Variants in DTNBP1 observed in about 807,000 individuals in gnomAD.
DTNBP1 encodes the protein dysbindin.
DTNBP1 carries 35 observed loss-of-function variants against 42.8 expected under a neutral mutation model. The observed-to-expected ratio is 0.82, with a 90% CI of 0.63 to 1.09. DTNBP1 has a LOEUF of 1.09. DTNBP1 is among the 50% of genes least tolerant of loss of function. DTNBP1 has a pLI of 0.00. For synonymous variants in DTNBP1, 171 were observed against 162.2 expected (o/e 1.05, Z -0.41); for missense variants, 457 against 424.2 (o/e 1.08, Z -0.68).
chr6:15,563,844 G>A (rs781451841), intron 7 of DTNBP1, among the ~76,000 whole-genome samples: 13 of 152,058 alleles, frequency 8.5e-5, no homozygotes, highest in African/African-American at 2.7e-4. Context: ...CGAGGTTCCC[G>A]CGGTGGAACA....
intron 4 of DTNBP1, among the ~76,000 whole-genome samples, chr6:15,634,682 G>A (rs1452326633): frequency 1.3e-5 from 2 of 152,072 alleles, no homozygotes; most frequent in African/African-American, 4.8e-5. Flanking sequence ...ACTTTTAAAA[G>A]TGAGGTTAAT....
At chr6:15,539,295 T>A (rs1356976269) in intron 7 of DTNBP1, among the ~76,000 whole-genome samples, 1 of 152,232 alleles carries the variant, frequency 6.6e-6, no homozygotes. Flanking sequence ...CCTCTCTCCA[T>A]TTCCTGCTAC....
At chr6:15,538,262 T>C (rs756682175) in intron 7 of DTNBP1, among the ~76,000 whole-genome samples, 11 of 152,162 alleles carry the variant, frequency 7.2e-5, no homozygotes, top group Non-Finnish European at 1.3e-4. Flanking sequence ...AGGGCCATTA[T>C]CTGTTGCTGG....
chr6:15,657,901 T>A (rs768486735), intron 1 of DTNBP1, among the ~76,000 whole-genome samples: 6 of 152,220 alleles, frequency 3.9e-5, no homozygotes, highest in Non-Finnish European at 7.3e-5. Context: ...TATCGCAATT[T>A]CTCCTCATTA....
chr6:15,613,588 G>A (rs1368924659), intron 6 of DTNBP1, among the ~76,000 whole-genome samples: 1 of 151,776 alleles, frequency 6.6e-6, no homozygotes, highest in Non-Finnish European at 1.5e-5. Context: ...GCACAGTATC[G>A]ATCTCCTGAC....
At chr6:15,537,568 G>A (rs967651638) in intron 7 of DTNBP1, among the ~76,000 whole-genome samples, 22 of 152,080 alleles carry the variant, frequency 1.4e-4, no homozygotes, top group Admixed American at 1.2e-3. Context: ...ATATAGTTTG[G>A]CTCTGTGTCC....
intron 6 of DTNBP1, among the ~76,000 whole-genome samples, chr6:15,612,343 T>C (rs1318475387): frequency 6.6e-6 from 1 of 152,176 alleles, no homozygotes; most frequent in Non-Finnish European, 1.5e-5. Context: ...AATTTTTATA[T>C]GCACTAGGAA....
intron 7 of DTNBP1, among the ~76,000 whole-genome samples, chr6:15,562,431 A>G (rs1189154971): frequency 6.6e-6 from 1 of 152,264 alleles, no homozygotes; most frequent in Non-Finnish European, 1.5e-5. Context: ...TCACATGCAC[A>G]GAATGGAAAC....
intron 7 of DTNBP1, among the ~76,000 whole-genome samples, chr6:15,569,464 C>G (rs893483840): frequency 4.0e-5 from 6 of 151,108 alleles, no homozygotes; most frequent in African/African-American, 7.3e-5. Flanking sequence ...CCCCAGACAT[C>G]AGCCCACTCC....
intron 8 of DTNBP1, among the ~76,000 whole-genome samples, chr6:15,525,791 C>T (rs531933227): frequency 2.0e-5 from 3 of 152,266 alleles, no homozygotes; most frequent in South Asian, 2.1e-4. Context: ...GATGCAGAAG[C>T]GTAGCATCTG....
chr6:15,657,377 A>G lies in DTNBP1; in HGVS notation c.57-5237T>C, dbSNP rs116530312. Among the ~76,000 whole-genome samples the G allele has an allele frequency of 4.9e-3, 747 of 152,198 alleles. 7 individuals are homozygous for G. The highest frequency in any genetic ancestry group is 0.016 in the African/African-American group (684 of 41,514). On this transcript the variant is annotated intron_variant, in intron 1 of 9. Transcript: ENST00000344537. ...AGATACTTCCAAATTCACATTCTCA[A>G]TTTCTGCACCTTTTTCATCTCCCAC...
intron 8 of DTNBP1, among the ~76,000 whole-genome samples, chr6:15,525,373 G>T (rs115972027): frequency 0.011 from 1,741 of 152,330 alleles, 23 homozygotes; most frequent in South Asian, 0.018. Flanking sequence ...TAGCCATGGG[G>T]AATGCCTGGC....
Position 15,522,825 on chromosome 6 carries a change from T to G in DTNBP1, c.*150A>C. 7.2e-7 allele frequency: 1 copy of G among 1,386,524 alleles called. No individual in the cohort carries two copies. The highest frequency in any genetic ancestry group is 1.0e-6 in the Non-Finnish European group (1 of 995,614). The allele number at this position is 1,386,524 out of a possible 1,614,324, so 85.9% of individuals were successfully genotyped here. Reference sequence around the variant, plus strand: ...CTCTCAGTTTACCGTCCTCACACTTTATTGTTAGCTGTTCTTTAAGTTTCT... The same window carrying G: ...CTCTCAGTTTACCGTCCTCACACTTGATTGTTAGCTGTTCTTTAAGTTTCT... On this transcript the variant is annotated 3_prime_UTR_variant, in exon 10 of 10. Coordinates refer to ENST00000344537, the MANE Select transcript of DTNBP1 (RefSeq NM_032122.5).
rs547208119 is a variant in DTNBP1, at chr6:15,562,109, T to C, written c.512-28714A>G. ...TTAGCATATGATCAAGAAATGACCATAAAAACAGCCAACCAGCAGTCCTCG... is the reference window on the plus strand; with the variant it reads ...TTAGCATATGATCAAGAAATGACCACAAAAACAGCCAACCAGCAGTCCTCG... On this transcript the variant is annotated intron_variant, in intron 7 of 9. Coordinates refer to ENST00000344537, the MANE Select transcript of DTNBP1 (RefSeq NM_032122.5). Among the ~76,000 whole-genome samples, 10 of 152,280 alleles carry C rather than the reference T, an allele frequency of 6.6e-5. 1 individual carries two copies. The South Asian group carries it at 1.9e-3, about 28-fold the overall frequency.
At chr6:15,607,113 C>T (rs1191808848) in intron 6 of DTNBP1, among the ~76,000 whole-genome samples, 1 of 149,394 alleles carries the variant, frequency 6.7e-6, no homozygotes, top group Non-Finnish European at 1.5e-5. Flanking sequence ...TGGGTTCAAG[C>T]AATTCTCCTG....
intron 7 of DTNBP1, among the ~76,000 whole-genome samples, chr6:15,583,876 G>A (rs1048972121): frequency 6.6e-6 from 1 of 152,118 alleles, no homozygotes; most frequent in Non-Finnish European, 1.5e-5. Context: ...TAATCTTGAT[G>A]CTCTATTTTT....
At chr6:15,531,554 A>C (rs1352826716) in intron 8 of DTNBP1, among the ~76,000 whole-genome samples, 4 of 152,246 alleles carry the variant, frequency 2.6e-5, no homozygotes, top group Non-Finnish European at 4.4e-5. Flanking sequence ...ATTCACCAGC[A>C]CACTCTGAAG....
At chr6:15,598,020 C>T (rs1346990433) in intron 6 of DTNBP1, among the ~76,000 whole-genome samples, 5 of 152,092 alleles carry the variant, frequency 3.3e-5, no homozygotes, top group Non-Finnish European at 7.3e-5. Context: ...AAAATTTACT[C>T]AATTCAGCTA....
intron 7 of DTNBP1, among the ~76,000 whole-genome samples, chr6:15,556,974 C>G (rs1220759878): frequency 6.6e-6 from 1 of 152,088 alleles, no homozygotes; most frequent in Non-Finnish European, 1.5e-5. Context: ...TGCTTTGGAG[C>G]CATTAGATTC....
Sources: allele counts gnomAD v4.1 joint callset (sites outside exome capture counted in the v4.1 genomes callset), GRCh38; gene constraint gnomAD v4.1.1; transcripts MANE v1.5; gene names NCBI Gene and HGNC (gene_info 2026-07-23, HGNC 2026-07-21).